ANKRD55: variants seen among roughly 807,000 people sequenced by gnomAD.
The protein encoded by ANKRD55 is ankyrin repeat domain 55, also known as ankyrin repeat domain-containing protein 55.
In ANKRD55, 41 loss-of-function variants were observed where a neutral mutation model predicts 60.6. The ratio of observed to expected loss-of-function variants is 0.68; its 90% confidence interval spans 0.53 to 0.88. The LOEUF is 0.88. ANKRD55 is among the 40% of genes least tolerant of loss of function. ANKRD55 has a pLI of 0.00. For missense variants in ANKRD55, 732 were observed against 767.6 expected (o/e 0.95, Z 0.55); for synonymous variants, 264 against 290.3 (o/e 0.91, Z 0.92).
chr5:56,194,832 CTAAG>C (rs757584619), intron 2 of ANKRD55, among the ~76,000 whole-genome samples: 4 of 152,278 alleles, frequency 2.6e-5, no homozygotes, highest in South Asian at 2.1e-4. Context: ...TCAGGAATTA[CTAAG>C]TGACATTTTA....
At chr5:56,127,281 C>T (rs886850482) in intron 7 of ANKRD55, 175 bp from the exon 8 acceptor site, 2 of 985,066 alleles carry the variant, frequency 2.0e-6, no homozygotes, top group African/African-American at 3.5e-5. Context: ...TCTAAGCTCT[C>T]CAACAAGTGT....
intron 6 of ANKRD55, among the ~76,000 whole-genome samples, chr5:56,147,751 T>G (rs1757934452): frequency 1.3e-5 from 2 of 152,198 alleles, no homozygotes; most frequent in African/African-American, 4.8e-5. Context: ...TTTGGGCTGA[T>G]GAGAAATAAG....
chr5:56,198,300 T>G (rs965397946), intron 2 of ANKRD55, among the ~76,000 whole-genome samples: 11 of 108,782 alleles, frequency 1.0e-4, no homozygotes, highest in Non-Finnish European at 1.5e-4. Context: ...ATTATTACTG[T>G]TTTTTTTTCT....
chr5:56,171,987 C>T (rs902783408), intron 4 of ANKRD55, among the ~76,000 whole-genome samples: 1 of 151,854 alleles, frequency 6.6e-6, no homozygotes, highest in Non-Finnish European at 1.5e-5. Flanking sequence ...GGAATGGTGG[C>T]GGGTGCCTGT....
intron 6 of ANKRD55, 23 bp from the exon 7 acceptor site, chr5:56,143,952 G>T (rs780373470): frequency 6.2e-7 from 1 of 1,613,190 alleles, no homozygotes; most frequent in Admixed American, 1.7e-5. Context: ...AGTCAGAGAG[G>T]ACAGAGATGA....
intron 2 of ANKRD55, chr5:56,192,579 C>A (rs1451136290): frequency 2.2e-6 from 1 of 460,132 alleles, no homozygotes; most frequent in Admixed American, 3.4e-5. Flanking sequence ...AATTTTTTAA[C>A]CTTCCTCTAT....
chr5:56,129,124 A>T (rs1029839514), intron 7 of ANKRD55, among the ~76,000 whole-genome samples: 3 of 152,216 alleles, frequency 2.0e-5, no homozygotes, highest in Admixed American at 2.0e-4. Context: ...TCCTGGTGAC[A>T]GAATTCCCTT....
chr5:56,123,327 T>C (rs543331236), intron 8 of ANKRD55, among the ~76,000 whole-genome samples: 52 of 152,220 alleles, frequency 3.4e-4, no homozygotes, highest in African/African-American at 1.3e-3. Flanking sequence ...AGCATATATG[T>C]ATGTATATTG....
chr5:56,146,983 C>T (rs1312580674), intron 6 of ANKRD55: 1 of 152,190 alleles, frequency 6.6e-6, no homozygotes, highest in African/African-American at 2.4e-5. Flanking sequence ...CTCCTAAATA[C>T]AGTTTCAGAC....
At chr5:56,222,549 C>T (rs370087743) in intron 2 of ANKRD55, among the ~76,000 whole-genome samples, 333 of 152,302 alleles carry the variant, frequency 2.2e-3, no homozygotes, top group Admixed American at 5.2e-3. Flanking sequence ...TAATAACAAA[C>T]TTCTCTGAGC....
chr5:56,166,147 TTTCTTTC>T lies in ANKRD55; in HGVS notation c.422+4540_422+4546del, dbSNP rs1329839397. ...CTTTCTTTCTTTCTTTCTTTCTTTC[TTTCTTTC>T]TTCTTTCCTTCCTTCCTTCCTTCCT... On this transcript the variant is annotated intron_variant, in intron 5 of 11. Coordinates refer to ENST00000341048, the MANE Select transcript of ANKRD55 (RefSeq NM_024669.3). Among the ~76,000 whole-genome samples, 166 of 104,564 alleles carry T rather than the reference TTTCTTTC, an allele frequency of 1.6e-3. 2 individuals are homozygous for T. Among genetic ancestry groups the T allele is most frequent in the African/African-American group, 6.0e-3 (111 of 18,642 alleles). The allele number at this position is 104,564 out of a possible 152,430, so 68.6% of individuals were successfully genotyped here. A position where few individuals can be genotyped will look rare whatever the true frequency, so the allele number is the denominator to read the frequency against.
intron 2 of ANKRD55, among the ~76,000 whole-genome samples, chr5:56,218,893 G>A (rs1476168245): frequency 3.9e-5 from 6 of 152,110 alleles, no homozygotes; most frequent in Non-Finnish European, 7.4e-5. Flanking sequence ...AAATGTTAAC[G>A]TTAGATGAAT....
intron 2 of ANKRD55, chr5:56,192,888 G>T: frequency 1.6e-6 from 1 of 643,572 alleles, no homozygotes; most frequent in Non-Finnish European, 2.7e-6. Flanking sequence ...TGGGCCCAGC[G>T]TTGTCTAAAA....
chr5:56,144,733 G>T (rs1757856270), intron 6 of ANKRD55, among the ~76,000 whole-genome samples: 1 of 152,186 alleles, frequency 6.6e-6, no homozygotes, highest in Admixed American at 6.5e-5. Flanking sequence ...TAAATGAATG[G>T]TGAATCCCAG....
At chr5:56,115,473 C>A (rs1756860580) in intron 9 of ANKRD55, among the ~76,000 whole-genome samples, 1 of 151,912 alleles carries the variant, frequency 6.6e-6, no homozygotes. Context: ...CACGCACCAC[C>A]ACATCTGGCT....
chr5:56,109,960 G>A (rs770175179), intron 10 of ANKRD55, among the ~76,000 whole-genome samples: 14 of 152,060 alleles, frequency 9.2e-5, no homozygotes, highest in Non-Finnish European at 1.8e-4. Context: ...GGAGGTTGTA[G>A]TGAGCAGAGA....
intron 8 of ANKRD55, among the ~76,000 whole-genome samples, chr5:56,126,259 T>C (rs1757253333): frequency 1.3e-5 from 2 of 152,250 alleles, no homozygotes; most frequent in South Asian, 2.1e-4. Flanking sequence ...TTGATAGTCT[T>C]GTTTGTTGTT....
intron 10 of ANKRD55, among the ~76,000 whole-genome samples, chr5:56,104,408 G>C (rs189174863): frequency 2.0e-3 from 309 of 152,268 alleles, no homozygotes; most frequent in African/African-American, 7.1e-3. Flanking sequence ...AAGCAGATGG[G>C]AGCAGTGGGC....
chr5:56,232,655 G>C (rs940286717), intron 2 of ANKRD55, among the ~76,000 whole-genome samples: 2 of 151,946 alleles, frequency 1.3e-5, no homozygotes, highest in African/African-American at 4.8e-5. Context: ...TATCAAACTA[G>C]AAGTGAACAT....
Sources: gnomAD v4.1 joint callset for allele counts (sites outside exome capture counted in the v4.1 genomes callset) on GRCh38, gnomAD v4.1.1 for gene constraint, MANE v1.5 for transcripts, NCBI Gene and HGNC (gene_info 2026-07-23, HGNC 2026-07-21) for gene names.